Variants in FNDC3A observed in about 807,000 individuals in gnomAD.
The protein encoded by FNDC3A is fibronectin type III domain containing 3A.
Under a neutral mutation model 148.9 loss-of-function variants are expected in FNDC3A, and 32 were observed. That is an observed-to-expected ratio of 0.21 (90% CI 0.16 to 0.29). FNDC3A has a LOEUF of 0.29. Ranked by LOEUF, FNDC3A falls within the 10% of genes least tolerant of loss-of-function variation. The pLI is 1.00. For missense variants in FNDC3A, 1,191 were observed against 1,452.8 expected (o/e 0.82, Z 2.93); for synonymous variants, 472 against 473.6 (o/e 1.00, Z 0.04).
At chr13:49,019,517 A>C (rs1235014748) in intron 2 of FNDC3A, among the ~76,000 whole-genome samples, 5 of 152,136 alleles carry the variant, frequency 3.3e-5, no homozygotes, top group Non-Finnish European at 4.4e-5. Flanking sequence ...CTCCCTAGTG[A>C]GATGAACCCG....
chr13:49,073,745 A>G (rs930097389), intron 2 of FNDC3A, among the ~76,000 whole-genome samples: 1 of 146,578 alleles, frequency 6.8e-6, no homozygotes, highest in Non-Finnish European at 1.5e-5. Flanking sequence ...TATATAATAT[A>G]TGTGTATATA....
At chr13:48,999,943 T>G in intron 1 of FNDC3A, among the ~76,000 whole-genome samples, 1 of 152,210 alleles carries the variant, frequency 6.6e-6, no homozygotes, top group East Asian at 1.9e-4. Context: ...AATAAATGTC[T>G]GTTGTTTCAG....
At chr13:49,007,974 G>C (rs922762797) in intron 2 of FNDC3A, among the ~76,000 whole-genome samples, 1 of 152,094 alleles carries the variant, frequency 6.6e-6, no homozygotes, top group Non-Finnish European at 1.5e-5. Flanking sequence ...TTTGGTTGCC[G>C]AAGACAAGTT....
At chr13:49,022,263 G>T (rs1328575618) in intron 2 of FNDC3A, among the ~76,000 whole-genome samples, 2 of 152,190 alleles carry the variant, frequency 1.3e-5, no homozygotes, top group Non-Finnish European at 2.9e-5. Flanking sequence ...GCAGAGCTAG[G>T]TAGTAGAGTA....
intron 2 of FNDC3A, among the ~76,000 whole-genome samples, chr13:49,054,710 C>T (rs1876100342): frequency 6.6e-6 from 1 of 152,248 alleles, no homozygotes; most frequent in South Asian, 2.1e-4. Flanking sequence ...TGGCCTTATT[C>T]TCCCAGAGCG....
chr13:49,070,894 G>GT lies in FNDC3A; in HGVS notation c.100-4391dup, dbSNP rs930772693. ...ATAACAGGATTTCTTTTTTTTTTTT[G>GT]TTTTGTTTTTTTTCTTTTTTTTGAG... On this transcript the variant is annotated intron_variant, in intron 2 of 25. Transcript: ENST00000492622. Among the ~76,000 whole-genome samples the GT allele has an allele frequency of 1.2e-4, 16 of 135,406 alleles. 1 individual carries two copies. The highest frequency in any genetic ancestry group is 6.3e-4 in the East Asian group (3 of 4,792). The allele number at this position is 135,406 out of a possible 152,430, so 88.8% of individuals were successfully genotyped here.
At chr13:49,037,186 A>G (rs1482387540) in intron 2 of FNDC3A, among the ~76,000 whole-genome samples, 1 of 152,182 alleles carries the variant, frequency 6.6e-6, no homozygotes, top group Non-Finnish European at 1.5e-5. Context: ...ACTAAGAGCT[A>G]CTCATACAGC....
chr13:49,048,181 T>C (rs754786226), intron 2 of FNDC3A, among the ~76,000 whole-genome samples: 6 of 152,162 alleles, frequency 3.9e-5, no homozygotes, highest in Non-Finnish European at 8.8e-5. Flanking sequence ...ACCATGCTGT[T>C]TTGGTGACTT....
chr13:49,012,453 A>T (rs1490490032), intron 2 of FNDC3A, among the ~76,000 whole-genome samples: 2 of 152,154 alleles, frequency 1.3e-5, no homozygotes, highest in Non-Finnish European at 2.9e-5. Flanking sequence ...AAGTCTTGGT[A>T]TCTGGTAAGC....
chr13:49,126,608 C>T (rs1881716970), intron 4 of FNDC3A, among the ~76,000 whole-genome samples: 1 of 152,138 alleles, frequency 6.6e-6, no homozygotes, highest in South Asian at 2.1e-4. Flanking sequence ...AGACCTATGG[C>T]TTCTATGCCC....
At chr13:49,001,798 C>T (rs1014510756) in intron 1 of FNDC3A, among the ~76,000 whole-genome samples, 9 of 152,178 alleles carry the variant, frequency 5.9e-5, no homozygotes, top group South Asian at 2.1e-4. Flanking sequence ...AATGACAGTG[C>T]GTGCCCGAAA....
chr13:49,113,194 C>G (rs1860039585), intron 3 of FNDC3A, among the ~76,000 whole-genome samples: 1 of 151,110 alleles, frequency 6.6e-6, no homozygotes, highest in Admixed American at 6.6e-5. Context: ...CCTCCCTTTT[C>G]TTCTCTTACC....
At position 49,131,377 on chromosome 13, in the gene FNDC3A, A is replaced by G; in HGVS notation, c.490+3A>G. 1 of 1,565,918 alleles carries G rather than the reference A, an allele frequency of 6.4e-7. No individual in the cohort carries two copies. Among genetic ancestry groups the G allele is most frequent in the Non-Finnish European group, 8.8e-7 (1 of 1,135,926 alleles). ...TTCACAAGTCTATGGAGATGTAGGTAAGACATCTAAAAGTATTCCACTGTT... is the reference window on the plus strand; with the variant it reads ...TTCACAAGTCTATGGAGATGTAGGTGAGACATCTAAAAGTATTCCACTGTT... On this transcript the variant is annotated splice_donor_region_variant and intron_variant, in intron 5 of 25. Coordinates refer to ENST00000492622, the MANE Select transcript of FNDC3A (RefSeq NM_001079673.2).
intron 2 of FNDC3A, among the ~76,000 whole-genome samples, chr13:49,041,716 C>CA (rs1367290683): frequency 6.6e-6 from 1 of 150,396 alleles, no homozygotes; most frequent in Non-Finnish European, 1.5e-5. Flanking sequence ...GAGGGTAAGG[C>CA]AGGAGATTTG....
intron 2 of FNDC3A, among the ~76,000 whole-genome samples, chr13:49,049,897 T>C (rs953258615): frequency 5.9e-5 from 9 of 152,140 alleles, no homozygotes; most frequent in Non-Finnish European, 1.5e-5. Flanking sequence ...TTTTTGTTTT[T>C]TTAGTAGAGA....
At chr13:49,063,344 G>A (rs988401536) in intron 2 of FNDC3A, among the ~76,000 whole-genome samples, 4 of 151,808 alleles carry the variant, frequency 2.6e-5, no homozygotes, top group African/African-American at 7.3e-5. Flanking sequence ...AAAACATTTA[G>A]GTAAGTTTTT....
chr13:48,976,397 C>T (rs1428521530), intron 1 of FNDC3A, among the ~76,000 whole-genome samples: 1 of 152,198 alleles, frequency 6.6e-6, no homozygotes, highest in African/African-American at 2.4e-5. Context: ...CAGGACCGGT[C>T]TACTAGTCGG....
intron 8 of FNDC3A, chr13:49,146,787 GTAGC>G (rs1337761504): frequency 6.6e-6 from 1 of 152,164 alleles, no homozygotes; most frequent in Non-Finnish European, 1.5e-5. Context: ...GAAAGATTCA[GTAGC>G]TAAAGTTGTG....
At chr13:49,172,163 T>G in intron 11 of FNDC3A, 67 bp downstream of exon 11, 1 of 1,022,632 alleles carries the variant, frequency 9.8e-7, no homozygotes, top group Non-Finnish European at 1.5e-6. Context: ...ATTAACTTTT[T>G]TGTTTGTTTT....
Sources: allele counts gnomAD v4.1 joint callset (sites outside exome capture counted in the v4.1 genomes callset), GRCh38; gene constraint gnomAD v4.1.1; transcripts MANE v1.5; gene names NCBI Gene and HGNC (gene_info 2026-07-23, HGNC 2026-07-21).